Variants in NCKAP5 observed in about 807,000 individuals in gnomAD.
NCKAP5 encodes NCK associated protein 5.
In NCKAP5, 92 loss-of-function variants were observed where a neutral mutation model predicts 167.0. That is an observed-to-expected ratio of 0.55 (90% CI 0.47 to 0.66). NCKAP5 has a LOEUF of 0.66. NCKAP5 is among the 30% of genes least tolerant of loss of function. The pLI, the probability that NCKAP5 is intolerant of heterozygous loss-of-function variation, is 0.00. For missense variants in NCKAP5, 2,378 were observed against 2,315.0 expected, an observed-to-expected ratio of 1.03 and a Z score of -0.56; for synonymous variants, 891 against 877.4, an observed-to-expected ratio of 1.02 and a Z score of -0.27.
At chr2:133,405,010 A>C (rs974340893) in intron 3 of NCKAP5, among the ~76,000 whole-genome samples, 1 of 152,204 alleles carries the variant, frequency 6.6e-6, no homozygotes, top group Non-Finnish European at 1.5e-5. Context: ...TAAACTCTCT[A>C]GTGTAGCCAA....
intron 8 of NCKAP5, among the ~76,000 whole-genome samples, chr2:132,952,308 G>A (rs1490278482): frequency 6.6e-6 from 1 of 152,128 alleles, no homozygotes; most frequent in African/African-American, 2.4e-5. Context: ...GGTTTTCTTA[G>A]AAGCTCCCAC....
chr2:132,818,843 A>G (rs1249266135), intron 11 of NCKAP5, among the ~76,000 whole-genome samples: 3 of 152,350 alleles, frequency 2.0e-5, no homozygotes, highest in South Asian at 2.1e-4. Flanking sequence ...CAGACATTTT[A>G]TCATATTATA....
chr2:132,913,459 A>ATTTTTTTTT (rs1022942596), intron 8 of NCKAP5, among the ~76,000 whole-genome samples: 4 of 152,076 alleles, frequency 2.6e-5, no homozygotes, highest in Non-Finnish European at 4.4e-5. Context: ...GAAGAACAAT[A>ATTTTTTTTT]ATGTGGTTTT....
At chr2:133,402,151 A>C (rs540311869) in intron 3 of NCKAP5, among the ~76,000 whole-genome samples, 1 of 152,282 alleles carries the variant, frequency 6.6e-6, no homozygotes, top group South Asian at 2.1e-4. Flanking sequence ...AAAGAGGGAA[A>C]CTGAAAGTGC....
the NCKAP5 span, among the ~76,000 whole-genome samples, chr2:133,649,699 T>C: frequency 6.6e-6 from 1 of 152,088 alleles, no homozygotes; most frequent in Non-Finnish European, 1.5e-5. Flanking sequence ...CTCTTAATGA[T>C]AAAACCTCTC....
rs749654779 is a variant in NCKAP5, at chr2:132,785,462, G to T, written c.1349C>A (p.Pro450His). The T allele has an allele frequency of 1.2e-6, 2 of 1,613,474 alleles. No homozygotes were observed. The highest frequency in any genetic ancestry group is 1.3e-5 in the African/African-American group (1 of 74,888). The change falls in exon 14 of 20, where the codon CCC becomes CAC. Residue 450 changes from proline to histidine, a missense_variant. This residue lies in a region of NCKAP5 where 1,049 missense variants were observed against 1,023.4 expected (regional missense o/e 1.02). Coordinates refer to ENST00000409261, the MANE Select transcript of NCKAP5 (RefSeq NM_207363.3). ...CCCCAGGTCAGCTGTTTTGCAGGGG[G>T]GATACTCCTTGAGGCTGCTACTTTT... is the stretch of plus-strand genomic sequence containing the variant. Reference protein sequence around the residue: ...GIKSSSLKEYPPCKTADLGSP... With the variant: ...GIKSSSLKEYHPCKTADLGSP...
chr2:133,171,541 C>T (rs745710570), intron 5 of NCKAP5, among the ~76,000 whole-genome samples: 1 of 152,054 alleles, frequency 6.6e-6, no homozygotes, highest in Non-Finnish European at 1.5e-5. Context: ...TTCAACTTGC[C>T]AAGAAAAGAA....
chr2:133,403,222 G>T (rs1258033491), intron 3 of NCKAP5, among the ~76,000 whole-genome samples: 2 of 152,180 alleles, frequency 1.3e-5, no homozygotes, highest in Non-Finnish European at 2.9e-5. Context: ...AGGTTCACTA[G>T]GATTGAGGCA....
chr2:132,998,785 TC>T (rs1168484651), intron 6 of NCKAP5, among the ~76,000 whole-genome samples: 1 of 152,138 alleles, frequency 6.6e-6, no homozygotes, highest in Non-Finnish European at 1.5e-5. Context: ...ACCATCTGTC[TC>T]CCCAATATGA....
Position 133,327,772 on chromosome 2 carries a change from G to A in NCKAP5, c.70-24662C>T, listed in dbSNP as rs1864446. ...CTTGGATTTTTTATAAGACAGTAGC[G>A]ACATTAATACCTGCAGGGCTCCTCA... is the stretch of plus-strand genomic sequence containing the variant. On this transcript the variant is annotated intron_variant, in intron 3 of 19. Transcript: ENST00000409261. Among the ~76,000 whole-genome samples, 246 of 151,958 alleles carry A rather than the reference G, an allele frequency of 1.6e-3. 4 individuals are homozygous for A. In the East Asian group the frequency reaches 0.036, roughly 22 times the overall value.
chr2:132,872,689 A>T (rs907739449), intron 9 of NCKAP5, among the ~76,000 whole-genome samples: 1 of 152,184 alleles, frequency 6.6e-6, no homozygotes, highest in Non-Finnish European at 1.5e-5. Context: ...CTATTTCACC[A>T]TGAAAAGCCA....
intron 11 of NCKAP5, among the ~76,000 whole-genome samples, chr2:132,808,454 T>A (rs1432220132): frequency 1.3e-5 from 2 of 152,148 alleles, no homozygotes; most frequent in African/African-American, 4.8e-5. Context: ...TAATGGTCTG[T>A]TCAGGGTATC....
At chr2:132,977,917 G>A (rs1225013680) in intron 7 of NCKAP5, among the ~76,000 whole-genome samples, 3 of 152,158 alleles carry the variant, frequency 2.0e-5, no homozygotes, top group African/African-American at 7.2e-5. Flanking sequence ...CAAAGTGGCA[G>A]GAAGCTATCA....
the NCKAP5 span, among the ~76,000 whole-genome samples, chr2:133,581,997 T>A: frequency 0.037 from 5,651 of 152,248 alleles, 366 homozygotes; most frequent in African/African-American, 0.13. Flanking sequence ...TCCAAAGATA[T>A]GACACCACGT....
At chr2:133,630,816 C>A in the NCKAP5 span, among the ~76,000 whole-genome samples, 4 of 152,150 alleles carry the variant, frequency 2.6e-5, no homozygotes, top group Non-Finnish European at 5.9e-5. Flanking sequence ...AAAACAGATT[C>A]TTTGCCAATC....
chr2:133,121,208 A>G (rs1409960761), intron 6 of NCKAP5, among the ~76,000 whole-genome samples: 1 of 152,202 alleles, frequency 6.6e-6, no homozygotes, highest in African/African-American at 2.4e-5. Flanking sequence ...CCAATATTAT[A>G]GGTCTTTAAC....
At chr2:133,094,811 CAG>C (rs1487935784) in intron 6 of NCKAP5, among the ~76,000 whole-genome samples, 2 of 152,114 alleles carry the variant, frequency 1.3e-5, no homozygotes, top group Non-Finnish European at 2.9e-5. Flanking sequence ...GAAGGGAATT[CAG>C]AGAGATTCAA....
At chr2:132,919,549 A>G (rs1695146928) in intron 8 of NCKAP5, among the ~76,000 whole-genome samples, 1 of 152,196 alleles carries the variant, frequency 6.6e-6, no homozygotes, top group Non-Finnish European at 1.5e-5. Context: ...AAGATTAAAT[A>G]CACAACATTT....
chr2:133,313,326 T>C (rs1398757439), intron 3 of NCKAP5, among the ~76,000 whole-genome samples: 2 of 152,178 alleles, frequency 1.3e-5, no homozygotes, highest in East Asian at 3.8e-4. Flanking sequence ...CCTGCCCTAG[T>C]GCAATGAGGG....
Sources: allele counts gnomAD v4.1 joint callset (sites outside exome capture counted in the v4.1 genomes callset), GRCh38; gene constraint gnomAD v4.1.1; regional missense constraint gnomAD v4.1.1; transcripts MANE v1.5; gene names NCBI Gene and HGNC (gene_info 2026-07-23, HGNC 2026-07-21).